CFI: variants seen among roughly 807,000 people sequenced by gnomAD.
CFI encodes C3B/C4B inactivator.
A neutral mutation model predicts 78.8 loss-of-function variants in CFI; 66 were observed. That is an observed-to-expected ratio of 0.84 (90% CI 0.69 to 1.03). The LOEUF (loss-of-function observed/expected upper bound fraction) is 1.03, where lower values mean the gene tolerates loss of function less well. Ranked by LOEUF, CFI falls within the 50% of genes least tolerant of loss-of-function variation. The pLI is 0.00. For synonymous variants in CFI, 250 were observed against 232.6 expected, an observed-to-expected ratio of 1.07 and a Z score of -0.68; for missense variants, 706 against 704.5, an observed-to-expected ratio of 1.00 and a Z score of -0.02.
At chr4:109,747,183 C>T (rs185489961) in intron 10 of CFI, among the ~76,000 whole-genome samples, 1 of 152,080 alleles carries the variant, frequency 6.6e-6, no homozygotes, top group East Asian at 1.9e-4. Flanking sequence ...TTTCTTTCTT[C>T]CCTTCTTTCT....
chr4:109,762,924 T>A (rs1727266146), intron 3 of CFI, among the ~76,000 whole-genome samples: 1 of 152,174 alleles, frequency 6.6e-6, no homozygotes, highest in African/African-American at 2.4e-5. Context: ...AATAAAATAC[T>A]GAGAGAATCT....
intron 1 of CFI, among the ~76,000 whole-genome samples, chr4:109,778,524 A>G (rs1729575471): frequency 6.6e-6 from 1 of 152,098 alleles, no homozygotes; most frequent in African/African-American, 2.4e-5. Flanking sequence ...AGGACCAGAC[A>G]GATTCACAGC....
chr4:109,786,043 AAAAAAAAAC>A (rs1217567685), intron 1 of CFI, among the ~76,000 whole-genome samples: 2 of 151,326 alleles, frequency 1.3e-5, no homozygotes, highest in Non-Finnish European at 3.0e-5. Context: ...AAATTCTTTA[AAAAAAAAAC>A]AAAAAAAACC....
chr4:109,746,792 G>A lies in CFI; in HGVS notation c.1149-290C>T, dbSNP rs144296070. On this transcript the variant is annotated intron_variant, in intron 10 of 12. Transcript: ENST00000394634. Reference sequence around the variant, plus strand: ...GTGGAATGAGTTTGCTGCCTCTGGAGTGAGTGTGCCGTCGCTGCAGGTGTT... The same window carrying A: ...GTGGAATGAGTTTGCTGCCTCTGGAATGAGTGTGCCGTCGCTGCAGGTGTT... Among the ~76,000 whole-genome samples the A allele has an allele frequency of 9.3e-4, 141 of 152,312 alleles. 2 individuals carry two copies. The highest frequency in any genetic ancestry group is 3.3e-3 in the African/African-American group (137 of 41,562).
the CFI span, among the ~76,000 whole-genome samples, chr4:109,732,327 C>T: frequency 6.6e-6 from 1 of 152,150 alleles, no homozygotes; most frequent in African/African-American, 2.4e-5. Flanking sequence ...ACTGTCTTCC[C>T]CATGAGAATC....
chr4:109,786,984 C>A (rs374006576), intron 1 of CFI, among the ~76,000 whole-genome samples: 86 of 152,098 alleles, frequency 5.7e-4, no homozygotes, highest in African/African-American at 2.0e-3. Context: ...CTGGGTTTGT[C>A]CTTGTGTTTC....
intron 1 of CFI, among the ~76,000 whole-genome samples, chr4:109,788,274 T>C (rs1245928335): frequency 6.6e-6 from 1 of 152,128 alleles, no homozygotes; most frequent in Non-Finnish European, 1.5e-5. Context: ...GAATGAGTAA[T>C]TTTAATATCC....
Position 109,780,631 on chromosome 4 carries a change from G to A in CFI, c.58-13807C>T, listed in dbSNP as rs527482132. On this transcript the variant is annotated intron_variant, in intron 1 of 12. Coordinates refer to ENST00000394634, the MANE Select transcript of CFI (RefSeq NM_000204.5). Reference sequence around the variant, plus strand: ...AGAACTGGAAATACCATTTGACCCAGCCATCCCATTACTGGGCATATACCC... The same window carrying A: ...AGAACTGGAAATACCATTTGACCCAACCATCCCATTACTGGGCATATACCC... Among the ~76,000 whole-genome samples the A allele has an allele frequency of 5.3e-3, 814 of 152,252 alleles. 7 individuals are homozygous for A. Among genetic ancestry groups the A allele is most frequent in the African/African-American group, 0.019 (780 of 41,538 alleles).
intron 1 of CFI, among the ~76,000 whole-genome samples, chr4:109,788,522 A>AT (rs1237231038): frequency 1.3e-5 from 2 of 151,988 alleles, no homozygotes; most frequent in South Asian, 2.1e-4. Context: ...AGTGATATAG[A>AT]TTTTTTCTTG....
At chr4:109,760,143 T>C (rs1323453113) in intron 6 of CFI, 127 bp downstream of exon 6, 30 of 727,672 alleles carry the variant, frequency 4.1e-5, no homozygotes, top group Non-Finnish European at 7.0e-5. Context: ...GTTCTGCAAA[T>C]GCCCACTCAG....
rs1304236774 is a variant in CFI at position 109,766,779 on chromosome 4, C to T, written c.103G>A (p.Ala35Thr). ...CAGGAGAGGTGAGTATATTTTTTTG[C>T]TAAGCACTTTTTCTCCACCAGATCC... ...QEDLVEKKCL[A>T]KKYTHLSCDK... is the part of the protein sequence containing the mutation. Residue 35 changes from alanine to threonine, a missense_variant, in exon 2 of 13, where the codon GCA becomes ACA. Ala to Thr is a moderately conservative substitution (Grantham distance 58). Coordinates refer to ENST00000394634, the MANE Select transcript of CFI (RefSeq NM_000204.5). 1.2e-6 allele frequency: 2 copies of T among 1,614,124 alleles called. No individual in the cohort carries two copies. The highest frequency in any genetic ancestry group is 1.1e-5 in the South Asian group (1 of 91,080).
chr4:109,745,497 G>T (rs1354512636), intron 11 of CFI, among the ~76,000 whole-genome samples: 2 of 152,194 alleles, frequency 1.3e-5, no homozygotes, highest in Non-Finnish European at 2.9e-5. Flanking sequence ...GAAGGGAAAG[G>T]TGTTGACTAG....
At chr4:109,767,877 C>G (rs933604822) in intron 1 of CFI, among the ~76,000 whole-genome samples, 6 of 152,070 alleles carry the variant, frequency 3.9e-5, no homozygotes, top group African/African-American at 1.2e-4. Flanking sequence ...GACTTGGAAC[C>G]AACCCAAATG....
chr4:109,783,759 A>C (rs1438132302), intron 1 of CFI, among the ~76,000 whole-genome samples: 15 of 149,558 alleles, frequency 1.0e-4, no homozygotes, highest in Admixed American at 9.5e-4. Context: ...CAATTGCAAA[A>C]TCGCAGAGCC....
intron 7 of CFI, among the ~76,000 whole-genome samples, chr4:109,753,854 T>C (rs1245273012): frequency 1.4e-5 from 1 of 69,782 alleles, no homozygotes; most frequent in African/African-American, 5.9e-5. Context: ...TCTTATATTA[T>C]ATATTATATA....
chr4:109,798,141 T>C (rs1732290526), intron 1 of CFI, among the ~76,000 whole-genome samples: 1 of 152,090 alleles, frequency 6.6e-6, no homozygotes, highest in Admixed American at 6.5e-5. Context: ...GTCAAACTCA[T>C]GGAACCAGAG....
At chr4:109,780,145 T>C (rs1285049872) in intron 1 of CFI, among the ~76,000 whole-genome samples, 2 of 151,820 alleles carry the variant, frequency 1.3e-5, no homozygotes, top group Non-Finnish European at 2.9e-5. Flanking sequence ...AATTGACAAA[T>C]GGGATCTAAT....
intron 1 of CFI, among the ~76,000 whole-genome samples, chr4:109,796,187 C>CA (rs1230778718): frequency 6.6e-6 from 1 of 152,148 alleles, no homozygotes; most frequent in East Asian, 1.9e-4. Context: ...TCTTCAGAAA[C>CA]ACTGCAGGCC....
chr4:109,740,158 G>C (rs1296172188), downstream of CFI, among the ~76,000 whole-genome samples: 2 of 152,118 alleles, frequency 1.3e-5, no homozygotes, highest in Non-Finnish European at 2.9e-5. Flanking sequence ...AGGCATGGTA[G>C]TGTGCACCTG....
Sources: gnomAD v4.1 joint callset for allele counts (sites outside exome capture counted in the v4.1 genomes callset) on GRCh38, gnomAD v4.1.1 for gene constraint, MANE v1.5 for transcripts, NCBI Gene and HGNC (gene_info 2026-07-23, HGNC 2026-07-21) for gene names.